The following PPP1R9A variants were observed in gnomAD, a reference collection of about 807,000 sequenced individuals.
PPP1R9A encodes the protein neurabin-1.
Under a neutral mutation model 141.9 loss-of-function variants are expected in PPP1R9A, and 59 were observed. That is an observed-to-expected ratio of 0.42 (90% CI 0.34 to 0.52). The LOEUF (loss-of-function observed/expected upper bound fraction) is 0.52, where lower values mean the gene tolerates loss of function less well. Ranked by LOEUF, PPP1R9A falls within the 20% of genes least tolerant of loss-of-function variation. The probability of loss-of-function intolerance (pLI) is 0.10; values close to 1 mark genes in which losing one functional copy is unlikely to be tolerated. For missense variants in PPP1R9A, 1,444 were observed against 1,611.9 expected (o/e 0.90, Z 1.78); for synonymous variants, 500 against 569.7 (o/e 0.88, Z 1.74).
intron 2 of PPP1R9A, among the ~76,000 whole-genome samples, chr7:94,924,458 G>C (rs776963035): frequency 3.9e-5 from 6 of 152,102 alleles, no homozygotes; most frequent in Non-Finnish European, 7.4e-5. Flanking sequence ...TTGAGTTACT[G>C]GGTTTTGACT....
rs1798911851 is a variant in PPP1R9A, at chr7:95,251,842, A to G, written c.2477A>G (p.Gln826Arg). 1 of 1,613,904 alleles carries G rather than the reference A, an allele frequency of 6.2e-7. No individual in the cohort carries two copies. The highest frequency in any genetic ancestry group is 8.5e-7 in the Non-Finnish European group (1 of 1,179,876). Residue 826 changes from glutamine to arginine, a missense_variant, in exon 11 of 20, where the codon CAA becomes CGA. This residue lies in a region of PPP1R9A where 488 missense variants were observed against 542.0 expected (regional missense o/e 0.90). Coordinates refer to ENST00000433360, the MANE Select transcript of PPP1R9A (RefSeq NM_001166160.2). Reference protein sequence around the residue: ...DLEKAHLVEVQGLQVRIRDLE... With the variant: ...DLEKAHLVEVRGLQVRIRDLE... Reference sequence around the variant, plus strand: ...GAAAAAGCTCATCTTGTGGAAGTGCAAGGCCTCCAAGTGCGGGTAAGTTGT... The same window carrying G: ...GAAAAAGCTCATCTTGTGGAAGTGCGAGGCCTCCAAGTGCGGGTAAGTTGT...
At chr7:95,257,229 A>T (rs1371406976) in intron 12 of PPP1R9A, among the ~76,000 whole-genome samples, 1 of 152,162 alleles carries the variant, frequency 6.6e-6, no homozygotes, top group African/African-American at 2.4e-5. Context: ...ACCACGTGAT[A>T]TAGTCCCAGC....
At chr7:94,946,980 T>C (rs1291447721) in intron 2 of PPP1R9A, among the ~76,000 whole-genome samples, 1 of 152,212 alleles carries the variant, frequency 6.6e-6, no homozygotes. Flanking sequence ...GAATTTTGCA[T>C]TCTATTATTT....
At chr7:95,266,182 C>T (rs1164358646) in intron 12 of PPP1R9A, among the ~76,000 whole-genome samples, 2 of 152,096 alleles carry the variant, frequency 1.3e-5, no homozygotes, top group African/African-American at 4.8e-5. Context: ...CATTCTACTG[C>T]AAAAGGAACC....
In PPP1R9A at chr7:95,270,925, T is replaced by TA. The variant is rs563459731; in HGVS notation, c.3124+1419dup. On this transcript the variant is annotated intron_variant, in intron 14 of 19. Transcript: ENST00000433360. ...AGCATTGGGCCTCTGCAAGTATAGATAGAGTACAATTATATCAACGCTCAG... is the reference window on the plus strand; with the variant it reads ...AGCATTGGGCCTCTGCAAGTATAGATAAGAGTACAATTATATCAACGCTCAG... Among the ~76,000 whole-genome samples the TA allele has an allele frequency of 2.6e-5, 4 of 152,122 alleles. No homozygotes were observed. In the South Asian group the frequency reaches 8.3e-4, roughly 32 times the overall value.
intron 3 of PPP1R9A, among the ~76,000 whole-genome samples, chr7:95,113,782 T>A (rs150503133): frequency 6.6e-6 from 1 of 152,110 alleles, no homozygotes; most frequent in African/African-American, 2.4e-5. Context: ...TAATTCACTG[T>A]CCAATTTAGC....
chr7:95,211,293 T>C (rs1792075765), intron 7 of PPP1R9A, among the ~76,000 whole-genome samples: 1 of 152,174 alleles, frequency 6.6e-6, no homozygotes, highest in South Asian at 2.1e-4. Context: ...CAAACATTGT[T>C]TGTCAAATAG....
At chr7:95,096,964 C>G (rs1818114887) in intron 2 of PPP1R9A, among the ~76,000 whole-genome samples, 1 of 152,164 alleles carries the variant, frequency 6.6e-6, no homozygotes, top group African/African-American at 2.4e-5. Context: ...ACTGTGTGCT[C>G]CCATAGCATG....
intron 6 of PPP1R9A, among the ~76,000 whole-genome samples, chr7:95,200,672 G>C (rs1048987713): frequency 1.1e-4 from 17 of 152,228 alleles, no homozygotes; most frequent in African/African-American, 3.9e-4. Context: ...ATCTTAAATG[G>C]AAGATTGTTT....
At chr7:95,151,876 TAA>T (rs981035016) in intron 4 of PPP1R9A, among the ~76,000 whole-genome samples, 3 of 151,358 alleles carry the variant, frequency 2.0e-5, no homozygotes, top group Non-Finnish European at 4.4e-5. Context: ...TGCTTATTTA[TAA>T]GTTTGTTTTT....
rs1056353354 is a variant in PPP1R9A at position 95,292,590 on chromosome 7, A to G, written c.*2287A>G. On this transcript the variant is annotated 3_prime_UTR_variant, in exon 20 of 20. Coordinates refer to ENST00000433360, the MANE Select transcript of PPP1R9A (RefSeq NM_001166160.2). ...GAAGTATTTTTCTTTATAACTTTGTATATTGAATGTTTAGATAAATGTCCA... is the reference window on the plus strand; with the variant it reads ...GAAGTATTTTTCTTTATAACTTTGTGTATTGAATGTTTAGATAAATGTCCA... 3 of 152,220 alleles carry G rather than the reference A, an allele frequency of 2.0e-5. No individual in the cohort carries two copies. The highest frequency in any genetic ancestry group is 4.8e-5 in the African/African-American group (2 of 41,456). The allele number at this position is 152,220 out of a possible 1,614,324, so 9.4% of individuals were successfully genotyped here. A position where few individuals can be genotyped will look rare whatever the true frequency, so the allele number is the denominator to read the frequency against.
chr7:95,291,249 G>T lies in PPP1R9A; in HGVS notation c.*946G>T, dbSNP rs1806314445. On this transcript the variant is annotated 3_prime_UTR_variant, in exon 20 of 20. Transcript: ENST00000433360. The stretch of plus-strand genomic sequence containing the variant: ...GGTTTCCTCTCCTGGGGAACATTCT[G>T]GCTGGTCTTCAGCCTGCCTATGTCA... 1 of 152,158 alleles carries T rather than the reference G, an allele frequency of 6.6e-6. No individual in the cohort carries two copies. Among genetic ancestry groups the T allele is most frequent in the South Asian group, 2.1e-4 (1 of 4,828 alleles). The allele number at this position is 152,158 out of a possible 1,614,324, so 9.4% of individuals were successfully genotyped here.
chr7:95,226,416 A>T (rs1795149986), intron 8 of PPP1R9A, among the ~76,000 whole-genome samples: 1 of 152,214 alleles, frequency 6.6e-6, no homozygotes, highest in South Asian at 2.1e-4. Flanking sequence ...AGTTTTGGTA[A>T]CTAGTGATAA....
intron 2 of PPP1R9A, among the ~76,000 whole-genome samples, chr7:95,052,010 T>A (rs1313229286): frequency 6.6e-6 from 1 of 151,956 alleles, no homozygotes; most frequent in Non-Finnish European, 1.5e-5. Flanking sequence ...CAGCTAACTT[T>A]TGTATTTTTA....
At position 95,071,539 on chromosome 7, in the gene PPP1R9A, A is replaced by C. The variant is rs191166255; in HGVS notation, c.1396-39720A>C. ...ATGCGTGGGAAAAGAGGAATGTGAAAAGCTTAGCTCAACTTACCTTCCACT... is the reference window on the plus strand; with the variant it reads ...ATGCGTGGGAAAAGAGGAATGTGAACAGCTTAGCTCAACTTACCTTCCACT... On this transcript the variant is annotated intron_variant, in intron 2 of 19. Transcript: ENST00000433360. Among the ~76,000 whole-genome samples, 137 of 152,034 alleles carry C rather than the reference A, an allele frequency of 9.0e-4. 1 individual carries two copies. The highest frequency in any genetic ancestry group is 6.8e-3 in the Middle Eastern group (2 of 294).
chr7:95,181,733 TATATATATATTCCGTCACATATATATAGA>T (rs1301194598), intron 5 of PPP1R9A, among the ~76,000 whole-genome samples: 3 of 132,928 alleles, frequency 2.3e-5, no homozygotes, highest in Middle Eastern at 4.6e-3. Context: ...ATATATAGAA[TATATATATATTCCGTCACATATATATAGA>T]ATATATATAT....
intron 12 of PPP1R9A, among the ~76,000 whole-genome samples, chr7:95,256,987 A>C (rs181028741): frequency 6.6e-6 from 1 of 152,292 alleles, no homozygotes; most frequent in East Asian, 1.9e-4. Context: ...TTTTTATGCA[A>C]AATTAATCTA....
intron 2 of PPP1R9A, among the ~76,000 whole-genome samples, chr7:95,017,314 T>C (rs1805240097): frequency 6.6e-6 from 1 of 152,196 alleles, no homozygotes; most frequent in African/African-American, 2.4e-5. Context: ...TGTTACTGTT[T>C]ACAGATGTTA....
At chr7:95,122,551 C>T (rs1306398124) in intron 4 of PPP1R9A, among the ~76,000 whole-genome samples, 1 of 152,186 alleles carries the variant, frequency 6.6e-6, no homozygotes, top group Non-Finnish European at 1.5e-5. Context: ...CTTATATCTT[C>T]TTTTCCATGA....
Sources: gnomAD v4.1 joint callset for allele counts (sites outside exome capture counted in the v4.1 genomes callset) on GRCh38, gnomAD v4.1.1 for gene constraint, gnomAD v4.1.1 regional missense constraint, MANE v1.5 for transcripts, NCBI Gene and HGNC (gene_info 2026-07-23, HGNC 2026-07-21) for gene names.